Variants in PPP1R2 observed in about 807,000 individuals in gnomAD.
The protein encoded by PPP1R2 is protein phosphatase inhibitor 2.
Under a neutral mutation model 29.9 loss-of-function variants are expected in PPP1R2, and 16 were observed. The ratio of observed to expected loss-of-function variants is 0.53; its 90% CI spans 0.36 to 0.81. The LOEUF is 0.81. Ranked by LOEUF, PPP1R2 falls within the 30% of genes least tolerant of loss-of-function variation. The probability of loss-of-function intolerance (pLI) is 0.00; values close to 1 mark genes in which losing one functional copy is unlikely to be tolerated. For missense variants in PPP1R2, 197 were observed against 252.7 expected, an observed-to-expected ratio of 0.78 and a Z score of 1.49; for synonymous variants, 76 against 91.5, an observed-to-expected ratio of 0.83 and a Z score of 0.96.
intron 2 of PPP1R2, among the ~76,000 whole-genome samples, chr3:195,528,276 C>T (rs1468440532): frequency 6.6e-6 from 1 of 152,114 alleles, no homozygotes; most frequent in Non-Finnish European, 1.5e-5. Flanking sequence ...TAATGGTCTC[C>T]AACTCCATCC....
At chr3:195,529,945 A>G (rs548854073) in intron 1 of PPP1R2, 44 bp from the exon 2 acceptor site, 2 of 1,315,406 alleles carry the variant, frequency 1.5e-6, no homozygotes, top group East Asian at 2.3e-5. Context: ...GCAGAAAAAG[A>G]TAAACCTGAA....
At chr3:195,537,386 G>C (rs984953768) in intron 1 of PPP1R2, among the ~76,000 whole-genome samples, 1 of 151,440 alleles carries the variant, frequency 6.6e-6, no homozygotes, top group Non-Finnish European at 1.5e-5. Flanking sequence ...GAACTTTATA[G>C]TTCACTCCAT....
intron 4 of PPP1R2, 66 bp downstream of exon 4, chr3:195,523,624 CAA>C: frequency 7.7e-7 from 1 of 1,296,158 alleles, no homozygotes; most frequent in South Asian, 1.2e-5. Context: ...GCTCATCTTC[CAA>C]ATAATGGATT....
chr3:195,521,773 C>A (rs1009906768), intron 4 of PPP1R2, among the ~76,000 whole-genome samples: 14 of 152,076 alleles, frequency 9.2e-5, no homozygotes, highest in Non-Finnish European at 1.8e-4. Flanking sequence ...GCCCCAGCCT[C>A]CCGAGTAGCT....
In PPP1R2 at chr3:195,524,806, C is replaced by A; in HGVS notation, c.308+13G>T. 6.2e-7 allele frequency: 1 copy of A among 1,613,576 alleles called. No individual in the cohort carries two copies. Among genetic ancestry groups the A allele is most frequent in the South Asian group, 1.1e-5 (1 of 91,026 alleles). ...AGCCTAAGTGAAAATGTGCTCCGGTCATTAGTACTTACTTCCTGGCTAAGA... is the reference window on the plus strand; with the variant it reads ...AGCCTAAGTGAAAATGTGCTCCGGTAATTAGTACTTACTTCCTGGCTAAGA... On this transcript the variant is annotated intron_variant, in intron 3 of 5. Coordinates refer to ENST00000618156, the MANE Select transcript of PPP1R2 (RefSeq NM_006241.8).
At chr3:195,536,788 C>CA (rs10717955) in intron 1 of PPP1R2, among the ~76,000 whole-genome samples, 1,754 of 72,068 alleles carry the variant, frequency 0.024, 45 homozygotes, top group African/African-American at 0.058. Flanking sequence ...AACTCCGTCT[C>CA]AAAAAAAAAA....
chr3:195,536,788 C>CAAA (rs10717955), intron 1 of PPP1R2, among the ~76,000 whole-genome samples: 21 of 72,418 alleles, frequency 2.9e-4, no homozygotes, highest in African/African-American at 6.5e-4. Flanking sequence ...AACTCCGTCT[C>CAAA]AAAAAAAAAA....
rs1359173950 is a variant in PPP1R2 at position 195,514,853 on chromosome 3, C to T, written c.*2043G>A. The T allele has an allele frequency of 1.2e-5, 2 of 163,498 alleles. No individual in the cohort carries two copies. The highest frequency in any genetic ancestry group is 6.4e-5 in the Admixed American group (1 of 15,632). The allele number at this position is 163,498 out of a possible 1,614,324, so 10.1% of individuals were successfully genotyped here. Reference sequence around the variant, plus strand: ...GCCTAAAACCCCACTGAGCATGCTGCTTGGCATGCCTTACTCCTCTGAAAT... The same window carrying T: ...GCCTAAAACCCCACTGAGCATGCTGTTTGGCATGCCTTACTCCTCTGAAAT... On this transcript the variant is annotated 3_prime_UTR_variant, in exon 6 of 6. Coordinates refer to ENST00000618156, the MANE Select transcript of PPP1R2 (RefSeq NM_006241.8).
chr3:195,521,444 CAT>C (rs1455433216), intron 4 of PPP1R2, among the ~76,000 whole-genome samples: 1 of 150,996 alleles, frequency 6.6e-6, no homozygotes, highest in African/African-American at 2.4e-5. Flanking sequence ...GTTGTTGAGT[CAT>C]AATTTAATTC....
chr3:195,520,121 T>C (rs984781733), intron 4 of PPP1R2, among the ~76,000 whole-genome samples: 4 of 152,164 alleles, frequency 2.6e-5, no homozygotes, highest in Non-Finnish European at 5.9e-5. Context: ...GCGATTCTCC[T>C]GCCTCAGTCT....
At chr3:195,518,480 T>A (rs1156263911) in intron 5 of PPP1R2, among the ~76,000 whole-genome samples, 1 of 151,578 alleles carries the variant, frequency 6.6e-6, no homozygotes, top group Admixed American at 6.6e-5. Context: ...TGAAACCCCA[T>A]CTCTACTAAA....
chr3:195,539,230 A>C (rs1719501417), intron 1 of PPP1R2, among the ~76,000 whole-genome samples: 2 of 152,212 alleles, frequency 1.3e-5, no homozygotes, highest in Non-Finnish European at 2.9e-5. Context: ...CCTATATTCA[A>C]GGTATCCTGA....
intron 4 of PPP1R2, among the ~76,000 whole-genome samples, 165 bp downstream of exon 4, chr3:195,523,527 C>T (rs1226669466): frequency 6.6e-6 from 1 of 152,146 alleles, no homozygotes; most frequent in Non-Finnish European, 1.5e-5. Context: ...AAAACTATTA[C>T]ACAACAAAAC....
Position 195,537,484 on chromosome 3 carries a change from TGTG to T in PPP1R2, c.122+5417_122+5419del, listed in dbSNP as rs1719435940. On this transcript the variant is annotated intron_variant, in intron 1 of 5. Coordinates refer to ENST00000618156, the MANE Select transcript of PPP1R2 (RefSeq NM_006241.8). ...AAACCATTGCTAGGATTAGCTATTG[TGTG>T]TGTGTGTGTGTGTGTGTGTGTGTGT... Among the ~76,000 whole-genome samples, 155 of 117,946 alleles carry T rather than the reference TGTG, an allele frequency of 1.3e-3. 1 individual carries two copies. The highest frequency in any genetic ancestry group is 4.4e-3 in the African/African-American group (146 of 33,254). The allele number at this position is 117,946 out of a possible 152,430, so 77.4% of individuals were successfully genotyped here.
intron 1 of PPP1R2, among the ~76,000 whole-genome samples, chr3:195,533,015 T>A (rs1028583944): frequency 2.0e-5 from 3 of 152,118 alleles, no homozygotes; most frequent in African/African-American, 7.2e-5. Flanking sequence ...CACAGCTATC[T>A]CTTGTTGCTA....
intron 3 of PPP1R2, 119 bp downstream of exon 3, chr3:195,524,700 A>G (rs974553461): frequency 2.2e-6 from 2 of 908,696 alleles, no homozygotes; most frequent in African/African-American, 3.4e-5. Flanking sequence ...TCGGCATAAA[A>G]CATGTTGATC....
At position 195,543,266 on chromosome 3, in the gene PPP1R2, G is replaced by C; in HGVS notation, c.-241C>G. 2.4e-6 allele frequency: 1 copy of C among 412,682 alleles called. No homozygotes were observed. The highest frequency in any genetic ancestry group is 4.4e-5 in the East Asian group (1 of 22,916). The allele number at this position is 412,682 out of a possible 1,614,324, so 25.6% of individuals were successfully genotyped here. A position where few individuals can be genotyped will look rare whatever the true frequency, so the allele number is the denominator to read the frequency against. ...ACCCTTAGCCACTGGCACTTGACCC[G>C]CGGCTCGCGGAGAGACGCCGGCCTA... On this transcript the variant is annotated 5_prime_UTR_variant, in exon 1 of 6. Coordinates refer to ENST00000618156, the MANE Select transcript of PPP1R2 (RefSeq NM_006241.8).
intron 1 of PPP1R2, among the ~76,000 whole-genome samples, chr3:195,535,155 A>T (rs1338725323): frequency 1.3e-5 from 2 of 152,128 alleles, no homozygotes; most frequent in African/African-American, 4.8e-5. Context: ...TCCACCTCAG[A>T]TCATCAGGCA....
chr3:195,530,750 T>C (rs1359294319), intron 1 of PPP1R2, among the ~76,000 whole-genome samples: 1 of 152,194 alleles, frequency 6.6e-6, no homozygotes, highest in East Asian at 1.9e-4. Flanking sequence ...GGTCTTGAAC[T>C]CCTGATCTCG....
Sources: gnomAD v4.1 joint callset for allele counts (sites outside exome capture counted in the v4.1 genomes callset) on GRCh38, gnomAD v4.1.1 for gene constraint, MANE v1.5 for transcripts, NCBI Gene and HGNC (gene_info 2026-07-23, HGNC 2026-07-21) for gene names.